PELI1: variants seen among roughly 807,000 people sequenced by gnomAD.
PELI1 encodes the protein pellino E3 ubiquitin protein ligase 1.
A neutral mutation model predicts 41.3 loss-of-function variants in PELI1; 15 were observed. That is an observed-to-expected ratio of 0.36 (90% confidence interval 0.24 to 0.56). The LOEUF (loss-of-function observed/expected upper bound fraction) is 0.56. Among genes scored for constraint, PELI1 ranks in the 20% least tolerant of loss-of-function variants. The probability of loss-of-function intolerance (pLI) is 0.82; values close to 1 mark genes in which losing one functional copy is unlikely to be tolerated. For synonymous variants in PELI1, 178 were observed against 180.1 expected (o/e 0.99, Z 0.09); for missense variants, 403 against 525.5 (o/e 0.77, Z 2.28).
chr2:64,119,480 C>CA (rs2103714205), intron 1 of PELI1, among the ~76,000 whole-genome samples: 1 of 152,334 alleles, frequency 6.6e-6, no homozygotes, highest in Non-Finnish European at 1.5e-5. Flanking sequence ...GTTGGAACCA[C>CA]ACACTGAATA....
intron 1 of PELI1, among the ~76,000 whole-genome samples, chr2:64,114,324 GCA>G (rs1313886349): frequency 2.0e-5 from 3 of 152,128 alleles, no homozygotes; most frequent in Non-Finnish European, 2.9e-5. Flanking sequence ...TTAATTCATA[GCA>G]GTTTCTTGAT....
intron 4 of PELI1, 151 bp downstream of exon 4, chr2:64,100,247 G>T: frequency 1.7e-6 from 1 of 573,752 alleles, no homozygotes; most frequent in Non-Finnish European, 3.1e-6. Flanking sequence ...ATGCTAGATT[G>T]ACTTCTATTT....
chr2:64,136,219 G>A (rs945259218), intron 1 of PELI1, among the ~76,000 whole-genome samples: 12 of 151,916 alleles, frequency 7.9e-5, no homozygotes, highest in Admixed American at 6.6e-4. Flanking sequence ...TGAATCAAAG[G>A]TTTTAAAAGA....
chr2:64,100,639 A>G (rs1352902299), intron 3 of PELI1, 140 bp from the exon 4 acceptor site: 1 of 664,742 alleles, frequency 1.5e-6, no homozygotes, highest in African/African-American at 1.8e-5. Flanking sequence ...AGAGAGGTTA[A>G]TAACTCCTGT....
At chr2:64,136,686 C>T (rs576325106) in intron 1 of PELI1, among the ~76,000 whole-genome samples, 306 of 152,218 alleles carry the variant, frequency 2.0e-3, no homozygotes, top group African/African-American at 7.2e-3. Context: ...CAGTGGATCA[C>T]GAGGTCAGGA....
chr2:64,125,237 G>C (rs1364112474), intron 1 of PELI1, among the ~76,000 whole-genome samples: 1 of 152,088 alleles, frequency 6.6e-6, no homozygotes, highest in East Asian at 1.9e-4. Flanking sequence ...TGAGACAAAA[G>C]TCCCAACCCT....
intron 6 of PELI1, among the ~76,000 whole-genome samples, chr2:64,095,704 C>T (rs751242588): frequency 2.9e-4 from 44 of 152,178 alleles, no homozygotes; most frequent in Admixed American, 5.2e-4. Flanking sequence ...AGTGCAATGG[C>T]GCAATCTTGG....
intron 1 of PELI1, among the ~76,000 whole-genome samples, chr2:64,110,523 A>G (rs893896704): frequency 3.3e-5 from 5 of 152,232 alleles, no homozygotes; most frequent in Non-Finnish European, 5.9e-5. Context: ...TAAATAAATA[A>G]AAGAACCTTA....
chr2:64,107,216 G>A (rs569873448), intron 2 of PELI1, among the ~76,000 whole-genome samples: 47 of 152,288 alleles, frequency 3.1e-4, no homozygotes, highest in African/African-American at 1.1e-3. Context: ...ACAGGTATAA[G>A]CTACTGCACC....
rs1414710901 is a variant in PELI1, at chr2:64,108,387, G to A, written c.-69-8C>T. 8 of 840,670 alleles carry A rather than the reference G, an allele frequency of 9.5e-6. No homozygotes were observed. Among genetic ancestry groups the A allele is most frequent in the Non-Finnish European group, 1.6e-5 (8 of 495,988 alleles). The allele number at this position is 840,670 out of a possible 1,614,324, so 52.1% of individuals were successfully genotyped here. On this transcript the variant is annotated splice_polypyrimidine_tract_variant and splice_region_variant and intron_variant, in intron 1 of 6. Transcript: ENST00000358912. ...CACCTTTTGCATTATTTCCTAGAGG[G>A]GAAAAGTTTTCATTAATAATGTGAA...
intron 2 of PELI1, among the ~76,000 whole-genome samples, chr2:64,107,019 C>T (rs1680644440): frequency 1.3e-5 from 2 of 152,132 alleles, no homozygotes; most frequent in Admixed American, 6.5e-5. Context: ...ACCTCCTCCT[C>T]CTGGGTTCAA....
At chr2:64,104,011 A>T (rs1157978544) in intron 3 of PELI1, among the ~76,000 whole-genome samples, 1 of 152,230 alleles carries the variant, frequency 6.6e-6, no homozygotes, top group Admixed American at 6.5e-5. Context: ...CTCTAGGAAA[A>T]GCCCAAGTAT....
intron 2 of PELI1, among the ~76,000 whole-genome samples, chr2:64,107,586 G>A (rs2103688837): frequency 6.6e-6 from 1 of 152,244 alleles, no homozygotes; most frequent in South Asian, 2.1e-4. Context: ...AAGGGAAAGG[G>A]AATTTTTGGT....
At chr2:64,107,718 C>G (rs1680666670) in intron 2 of PELI1, among the ~76,000 whole-genome samples, 1 of 151,572 alleles carries the variant, frequency 6.6e-6, no homozygotes, top group Admixed American at 6.6e-5. Context: ...TACTCTGTTG[C>G]CCAGGCTGGA....
chr2:64,103,975 GT>G (rs954790617), intron 3 of PELI1, among the ~76,000 whole-genome samples: 9 of 152,174 alleles, frequency 5.9e-5, no homozygotes, highest in African/African-American at 1.9e-4. Flanking sequence ...ATATAAAGAT[GT>G]GAAATTCCCC....
chr2:64,118,937 A>C (rs917235090), intron 1 of PELI1, among the ~76,000 whole-genome samples: 3 of 152,158 alleles, frequency 2.0e-5, no homozygotes, highest in Non-Finnish European at 4.4e-5. Context: ...TTTGTAACGG[A>C]AAAGTAAGCA....
At chr2:64,141,260 G>A (rs1681903258) in intron 1 of PELI1, among the ~76,000 whole-genome samples, 1 of 151,184 alleles carries the variant, frequency 6.6e-6, no homozygotes. Context: ...CTGCTTTACT[G>A]TCCTCAAAGA....
chr2:64,112,080 T>C (rs1057317618), intron 1 of PELI1, among the ~76,000 whole-genome samples: 2 of 152,122 alleles, frequency 1.3e-5, no homozygotes, highest in African/African-American at 2.4e-5. Flanking sequence ...TTTCTATTTA[T>C]AGTAGCAAAA....
intron 1 of PELI1, among the ~76,000 whole-genome samples, chr2:64,118,455 C>G (rs1022443070): frequency 6.6e-6 from 1 of 152,042 alleles, no homozygotes. Flanking sequence ...TTCTAGAAAT[C>G]AGATTAAGCT....
Sources: gnomAD v4.1 joint callset for allele counts (sites outside exome capture counted in the v4.1 genomes callset) on GRCh38, gnomAD v4.1.1 for gene constraint, MANE v1.5 for transcripts, NCBI Gene and HGNC (gene_info 2026-07-23, HGNC 2026-07-21) for gene names.